RNFT2: variants seen among roughly 807,000 people sequenced by gnomAD.
The protein encoded by RNFT2 is E3 ubiquitin-protein ligase RNFT2.
RNFT2 carries 36 observed loss-of-function variants against 53.0 expected under a neutral mutation model. That is an observed-to-expected ratio of 0.68 (90% CI 0.52 to 0.90). RNFT2 has a LOEUF of 0.90. Among genes scored for constraint, RNFT2 ranks in the 40% least tolerant of loss-of-function variants. The probability of loss-of-function intolerance (pLI) is 0.00; values close to 1 mark genes in which losing one functional copy is unlikely to be tolerated. For synonymous variants in RNFT2, 260 were observed against 253.2 expected, an observed-to-expected ratio of 1.03 and a Z score of -0.26; for missense variants, 514 against 585.6, an observed-to-expected ratio of 0.88 and a Z score of 1.26.
chr12:116,779,067 A>G (rs1455261523), intron 6 of RNFT2, 128 bp from the exon 7 acceptor site: 1 of 959,106 alleles, frequency 1.0e-6, no homozygotes, highest in Non-Finnish European at 1.6e-6. Context: ...GGAAAAGGAC[A>G]CAGACGTCTG....
chr12:116,750,881 T>TTATATATATATAATATATATATTATA (rs1207792122), intron 4 of RNFT2, among the ~76,000 whole-genome samples: 3 of 93,080 alleles, frequency 3.2e-5, no homozygotes, highest in African/African-American at 1.4e-4. Flanking sequence ...AATATATATA[T>TTATATATATATAATATATATATTATA]TATATATATA....
chr12:116,831,701 G>T (rs1243446221), intron 7 of RNFT2, among the ~76,000 whole-genome samples: 1 of 152,008 alleles, frequency 6.6e-6, no homozygotes, highest in Non-Finnish European at 1.5e-5. Flanking sequence ...AGTGTTGTTT[G>T]TTTGATTTTA....
In RNFT2 at chr12:116,740,529, G is replaced by C. The variant is rs368315311; in HGVS notation, c.24+8G>C. Reference sequence around the variant, plus strand: ...CTCTTCACAGTGAATCAGGTGACACGTCTCCAAGAGAATTTGCATCTTTAT... The same window carrying C: ...CTCTTCACAGTGAATCAGGTGACACCTCTCCAAGAGAATTTGCATCTTTAT... On this transcript the variant is annotated splice_region_variant and intron_variant, in intron 2 of 10. Coordinates refer to ENST00000257575, the MANE Select transcript of RNFT2 (RefSeq NM_001382266.1). The C allele has an allele frequency of 6.4e-7, 1 of 1,566,976 alleles. No homozygotes were observed. The highest frequency in any genetic ancestry group is 8.7e-7 in the Non-Finnish European group (1 of 1,154,618).
intron 1 of RNFT2, among the ~76,000 whole-genome samples, chr12:116,740,064 G>T (rs906230041): frequency 2.6e-5 from 4 of 151,966 alleles, no homozygotes; most frequent in Admixed American, 6.5e-5. Context: ...AAATTGGGTG[G>T]GCGTGGTGTC....
In RNFT2 at chr12:116,852,041, A is replaced by G. The variant is rs1877954578; in HGVS notation, c.*2593A>G. On this transcript the variant is annotated 3_prime_UTR_variant, in exon 11 of 11. Transcript: ENST00000257575. ...AACCATCTGTGCTTCTGTGATCTCT[A>G]TGACAGAGCCACTTCTCCACCTCTG... The G allele has an allele frequency of 2.4e-6, 3 of 1,232,570 alleles. No homozygotes were observed. Among genetic ancestry groups the G allele is most frequent in the Non-Finnish European group, 1.1e-6 (1 of 914,844 alleles). The allele number at this position is 1,232,570 out of a possible 1,614,324, so 76.4% of individuals were successfully genotyped here. A position where few individuals can be genotyped will look rare whatever the true frequency, so the allele number is the denominator to read the frequency against.
Position 116,825,880 on chromosome 12 carries a change from G to A in RNFT2, c.883-7912G>A, listed in dbSNP as rs570987445. 7.7e-4 allele frequency among the ~76,000 whole-genome samples: 117 copies of A among 152,066 alleles called. 2 individuals carry two copies. The South Asian group carries it at 0.01, about 13-fold the overall frequency. On this transcript the variant is annotated intron_variant, in intron 7 of 10. Coordinates refer to ENST00000257575, the MANE Select transcript of RNFT2 (RefSeq NM_001382266.1). The stretch of plus-strand genomic sequence containing the variant: ...GTGACCTTAGAATCCCAAATCCCAC[G>A]CCTTTAAACCACTAGGCTGTCCTGC...
intron 10 of RNFT2, 22 bp downstream of exon 10, chr12:116,836,304 C>T (rs1205530554): frequency 6.5e-7 from 1 of 1,543,226 alleles, no homozygotes; most frequent in Admixed American, 1.9e-5. Flanking sequence ...TCAGGCGGGA[C>T]CATTGGAGAC....
intron 7 of RNFT2, among the ~76,000 whole-genome samples, chr12:116,784,244 C>A (rs932912693): frequency 9.9e-5 from 15 of 152,240 alleles, no homozygotes; most frequent in Admixed American, 5.2e-4. Flanking sequence ...GGCTTCCTAG[C>A]AGTCTCCCTG....
intron 7 of RNFT2, among the ~76,000 whole-genome samples, chr12:116,826,291 A>G (rs544374814): frequency 1.3e-5 from 2 of 152,048 alleles, no homozygotes; most frequent in South Asian, 4.2e-4. Flanking sequence ...CGCCTTCCCA[A>G]CTTGACACTC....
chr12:116,813,616 A>C lies in RNFT2; in HGVS notation c.883-20176A>C, dbSNP rs1329538476. ...GGTTTGTCTCCCCCATTAGGACTTA[A>C]AACTTGGCAAGAACAGAGATCAAGT... On this transcript the variant is annotated intron_variant, in intron 7 of 10. Coordinates refer to ENST00000257575, the MANE Select transcript of RNFT2 (RefSeq NM_001382266.1). Among the ~76,000 whole-genome samples the C allele has an allele frequency of 2.0e-5, 3 of 152,220 alleles. No homozygotes were observed. In the South Asian group the frequency reaches 6.2e-4, roughly 32 times the overall value.
rs35453575 is a variant in RNFT2 at position 116,811,373 on chromosome 12, AT to A, written c.883-22408del. ...GCACATGTAAATGCTCAATGGGTGT[AT>A]TTTTTTTTTTCCTTTTTTTGAGACA... is the stretch of plus-strand genomic sequence containing the variant. On this transcript the variant is annotated intron_variant, in intron 7 of 10. Coordinates refer to ENST00000257575, the MANE Select transcript of RNFT2 (RefSeq NM_001382266.1). Among the ~76,000 whole-genome samples, 222 of 147,808 alleles carry A rather than the reference AT, an allele frequency of 1.5e-3. 2 individuals are homozygous for A. Among genetic ancestry groups the A allele is most frequent in the African/African-American group, 5.4e-3 (217 of 40,410 alleles).
intron 7 of RNFT2, among the ~76,000 whole-genome samples, chr12:116,784,776 T>C (rs924136573): frequency 2.6e-5 from 4 of 152,154 alleles, no homozygotes. Flanking sequence ...CCATCCTCCT[T>C]CTATATCTCC....
rs1001765100 is a variant in RNFT2 at position 116,853,132 on chromosome 12, G to A, written c.*3684G>A. 2.4e-6 allele frequency: 1 copy of A among 415,534 alleles called. No homozygotes were observed. Among genetic ancestry groups the A allele is most frequent in the Non-Finnish European group, 4.2e-6 (1 of 236,692 alleles). The allele number at this position is 415,534 out of a possible 1,614,324, so 25.7% of individuals were successfully genotyped here. On this transcript the variant is annotated 3_prime_UTR_variant, in exon 11 of 11. Transcript: ENST00000257575. ...CCTAGGGAAAACAGTGTCTGATGAG[G>A]AGTGTTTCCAACACAGGCTACATGA...
intron 7 of RNFT2, among the ~76,000 whole-genome samples, chr12:116,805,121 C>CTTTTTTTTTTTTTTTTT (rs35830752): frequency 7.0e-6 from 1 of 143,340 alleles, no homozygotes; most frequent in Non-Finnish European, 1.5e-5. Flanking sequence ...AAGACATTGT[C>CTTTTTTTTTTTTTTTTT]TTTTTTTTTT....
At chr12:116,759,803 T>G (rs1872629002) in intron 5 of RNFT2, among the ~76,000 whole-genome samples, 2 of 152,126 alleles carry the variant, frequency 1.3e-5, no homozygotes, top group African/African-American at 4.8e-5. Flanking sequence ...TTCTTAGCTT[T>G]GGTGGTTTAA....
chr12:116,749,428 C>A (rs1433870169), intron 3 of RNFT2, among the ~76,000 whole-genome samples: 1 of 152,060 alleles, frequency 6.6e-6, no homozygotes, highest in African/African-American at 2.4e-5. Context: ...CAGGCATGCG[C>A]CACCATGCCT....
intron 7 of RNFT2, among the ~76,000 whole-genome samples, chr12:116,817,710 T>C (rs61442995): frequency 0.052 from 7,955 of 152,226 alleles, 475 homozygotes; most frequent in East Asian, 0.14. Context: ...CAAGGGGCTT[T>C]TGAACTTCCT....
chr12:116,833,900 T>C lies in RNFT2; in HGVS notation c.991T>C (p.Phe331Leu), dbSNP rs956896570. 6 of 1,612,964 alleles carry C rather than the reference T, an allele frequency of 3.7e-6. No individual in the cohort carries two copies. The highest frequency in any genetic ancestry group is 5.1e-6 in the Non-Finnish European group (6 of 1,179,528). The change falls in exon 8 of 11, where the codon TTC (phenylalanine) becomes CTC (leucine). Residue 331 changes from phenylalanine (F) to leucine (L), a missense_variant. Around this residue, in one of 3 missense-constraint regions of RNFT2, gnomAD observed 273 missense variants for 334.4 expected, o/e 0.82. Coordinates refer to ENST00000257575, the MANE Select transcript of RNFT2 (RefSeq NM_001382266.1). The stretch of plus-strand genomic sequence containing the variant: ...GGGTGACGACTCCTCCAACAGCTAC[T>C]TCCTGGGCGGGGTCCTGATCGTTCT... ...IMGDDSSNSY[F>L]LGGVLIVLYS...
chr12:116,819,054 G>T (rs1029088177), intron 7 of RNFT2, among the ~76,000 whole-genome samples: 4 of 152,198 alleles, frequency 2.6e-5, no homozygotes, highest in Non-Finnish European at 4.4e-5. Context: ...TTATCCCTCT[G>T]ATCCCGTTTC....
Sources: allele counts gnomAD v4.1 joint callset (sites outside exome capture counted in the v4.1 genomes callset), GRCh38; gene constraint gnomAD v4.1.1; regional missense constraint gnomAD v4.1.1; transcripts MANE v1.5; gene names NCBI Gene and HGNC (gene_info 2026-07-23, HGNC 2026-07-21).